The following KCNC4 variants were observed in gnomAD, a reference collection of about 807,000 sequenced individuals.
KCNC4 encodes the protein voltage-gated potassium channel KCNC4.
KCNC4 carries 23 observed loss-of-function variants against 42.8 expected under a neutral mutation model. The ratio of observed to expected loss-of-function variants is 0.54; its 90% confidence interval spans 0.39 to 0.76. The LOEUF is 0.76. KCNC4 is among the 30% of genes least tolerant of loss of function. The pLI, the probability that KCNC4 is intolerant of heterozygous loss-of-function variation, is 0.00. For synonymous variants in KCNC4, 422 were observed against 393.5 expected, an observed-to-expected ratio of 1.07 and a Z score of -0.86; for missense variants, 751 against 898.2, an observed-to-expected ratio of 0.84 and a Z score of 2.10.
chr1:110,215,392 G>A (rs963008835), intron 1 of KCNC4, among the ~76,000 whole-genome samples: 1 of 152,214 alleles, frequency 6.6e-6, no homozygotes, highest in East Asian at 1.9e-4. Context: ...AGGGGGCCCA[G>A]TGGAGGTTTG....
chr1:110,256,423 C>T (rs888266979), intron 1 of KCNC4, among the ~76,000 whole-genome samples: 6 of 152,216 alleles, frequency 3.9e-5, no homozygotes, highest in African/African-American at 1.4e-4. Context: ...CCCGAAAGAA[C>T]ACATAACTTG....
chr1:110,242,435 G>C (rs1659049865), exon 4 of KCNC4: 1 of 152,388 alleles, frequency 6.6e-6, no homozygotes, highest in East Asian at 1.9e-4. Flanking sequence ...GGCTGGCAAG[G>C]GTTGTTTCCA....
At chr1:110,222,489 C>G (rs1658153317) in intron 1 of KCNC4, 1 of 163,152 alleles carries the variant, frequency 6.1e-6, no homozygotes. Context: ...CAGGACCATA[C>G]TTTGAGGACC....
chr1:110,265,012 C>T (rs572611922), intron 1 of KCNC4, among the ~76,000 whole-genome samples: 149 of 144,218 alleles, frequency 1.0e-3, no homozygotes, highest in African/African-American at 3.7e-3. Context: ...ACCCGGGAGG[C>T]GGAGGTTGCA....
chr1:110,215,390 C>T (rs1272117616), intron 1 of KCNC4, among the ~76,000 whole-genome samples: 1 of 152,194 alleles, frequency 6.6e-6, no homozygotes, highest in Non-Finnish European at 1.5e-5. Flanking sequence ...TCAGGGGGCC[C>T]AGTGGAGGTT....
chr1:110,235,771 T>C (rs1658892014), downstream of KCNC4: 1 of 152,228 alleles, frequency 6.6e-6, no homozygotes, highest in Non-Finnish European at 1.5e-5. Flanking sequence ...GGTAGGGAGC[T>C]GGTTAAAAGA....
At chr1:110,280,169 C>T (rs1436929167) in intron 1 of KCNC4, among the ~76,000 whole-genome samples, 1 of 152,060 alleles carries the variant, frequency 6.6e-6, no homozygotes, top group Non-Finnish European at 1.5e-5. Context: ...GGTTGGTTCT[C>T]TTTTTAACCA....
chr1:110,255,284 C>T (rs987365386), intron 1 of KCNC4, among the ~76,000 whole-genome samples: 3 of 152,128 alleles, frequency 2.0e-5, no homozygotes, highest in Non-Finnish European at 4.4e-5. Flanking sequence ...CTCTGTTGGC[C>T]GTCCCCCTGG....
chr1:110,240,993 C>T (rs1659021935), exon 4 of KCNC4: 1 of 152,326 alleles, frequency 6.6e-6, no homozygotes, highest in South Asian at 2.1e-4. Flanking sequence ...GATTAGGGAC[C>T]TCATTTCTGT....
intron 1 of KCNC4, chr1:110,256,726 C>A (rs116645752): frequency 6.5e-6 from 1 of 153,508 alleles, no homozygotes; most frequent in African/African-American, 2.4e-5. Flanking sequence ...CGGGAAGCGC[C>A]GTCACGCCCC....
intron 1 of KCNC4, 195 bp from the exon 2 acceptor site, chr1:110,222,769 C>T (rs965111425): frequency 3.5e-6 from 2 of 571,886 alleles, no homozygotes; most frequent in South Asian, 2.3e-5. Flanking sequence ...GATTGGGAAA[C>T]ATTGCCCGAG....
At position 110,226,327 on chromosome 1, in the gene KCNC4, C is replaced by A. The variant is rs560270791; in HGVS notation, c.1819+149C>A. 2.5e-5 allele frequency: 17 copies of A among 678,922 alleles called. 1 individual carries two copies. The Middle Eastern group carries it at 3.1e-3, about 123-fold the overall frequency. 42.1% of individuals were successfully genotyped at this position (678,922 alleles called of 1,614,324 possible). A position where few individuals can be genotyped will look rare whatever the true frequency, so the allele number is the denominator to read the frequency against. On this transcript the variant is annotated intron_variant, in intron 3 of 3. Transcript: ENST00000438661. ...TGCACCCCCACTTTTAGAATGGGTACCTGATCTCCCAGTCCCTGGATTAGA... is the reference window on the plus strand; with the variant it reads ...TGCACCCCCACTTTTAGAATGGGTAACTGATCTCCCAGTCCCTGGATTAGA...
exon 4 of KCNC4, chr1:110,241,234 TC>T (rs1442931846): frequency 3.3e-5 from 5 of 152,194 alleles, no homozygotes; most frequent in Admixed American, 3.3e-4. Flanking sequence ...CTAACTACTG[TC>T]CCCTTACATA....
chr1:110,230,453 A>G (rs911548492), intron 3 of KCNC4, among the ~76,000 whole-genome samples: 1 of 152,162 alleles, frequency 6.6e-6, no homozygotes, highest in African/African-American at 2.4e-5. Flanking sequence ...GTTCACAGGG[A>G]TGCCACCACT....
Position 110,233,176 on chromosome 1 carries a change from A to G in KCNC4, c.*204A>G. The stretch of plus-strand genomic sequence containing the variant: ...CTGTTCCATTGTACATCGAAGAGAT[A>G]TATATGCACATATAGTATCTATATT... On this transcript the variant is annotated 3_prime_UTR_variant, in exon 4 of 4. Coordinates refer to ENST00000438661, the MANE Select transcript of KCNC4 (RefSeq NM_001039574.3). 1.6e-6 allele frequency: 1 copy of G among 616,456 alleles called. No homozygotes were observed. Among genetic ancestry groups the G allele is most frequent in the Non-Finnish European group, 2.9e-6 (1 of 349,610 alleles). The allele number at this position is 616,456 out of a possible 1,614,324, so 38.2% of individuals were successfully genotyped here. A position where few individuals can be genotyped will look rare whatever the true frequency, so the allele number is the denominator to read the frequency against.
At chr1:110,282,894 C>A (rs1659853341) in intron 2 of KCNC4, 1 of 152,212 alleles carries the variant, frequency 6.6e-6, no homozygotes, top group South Asian at 2.1e-4. Flanking sequence ...AGTCACTAAA[C>A]TTCTAAGAGA....
chr1:110,227,040 C>G (rs1013603160), intron 3 of KCNC4, among the ~76,000 whole-genome samples: 4 of 152,176 alleles, frequency 2.6e-5, no homozygotes, highest in African/African-American at 9.6e-5. Flanking sequence ...GTCTCTCTTG[C>G]CCTGTCCCTG....
chr1:110,258,563 A>G (rs1180034242), intron 1 of KCNC4, among the ~76,000 whole-genome samples: 1 of 152,074 alleles, frequency 6.6e-6, no homozygotes, highest in Admixed American at 6.5e-5. Context: ...ATTGTTCTAT[A>G]CTTTCTAAAT....
chr1:110,243,029 TG>T (rs1453982109), exon 4 of KCNC4: 1 of 152,212 alleles, frequency 6.6e-6, no homozygotes, highest in African/African-American at 2.4e-5. Flanking sequence ...GTCTGTGAAA[TG>T]GAGAGAAGGA....
Sources: allele counts gnomAD v4.1 joint callset (sites outside exome capture counted in the v4.1 genomes callset), GRCh38; gene constraint gnomAD v4.1.1; transcripts MANE v1.5; gene names NCBI Gene and HGNC (gene_info 2026-07-23, HGNC 2026-07-21).